The following C19orf44 variants were observed in gnomAD, a reference collection of about 807,000 sequenced individuals.
C19orf44 encodes chromosome 19 open reading frame 44.
C19orf44 carries 43 observed loss-of-function variants against 50.7 expected under a neutral mutation model. The observed-to-expected ratio is 0.85, with a 90% CI of 0.66 to 1.09. C19orf44 has a LOEUF of 1.09. Ranked by LOEUF, C19orf44 falls within the 50% of genes least tolerant of loss-of-function variation. C19orf44 has a pLI of 0.00. For synonymous variants in C19orf44, 298 were observed against 334.7 expected (o/e 0.89, Z 1.20); for missense variants, 722 against 836.2 (o/e 0.86, Z 1.68).
At chr19:16,497,770 A>G (rs2093414222) in intron 1 of C19orf44, among the ~76,000 whole-genome samples, 1 of 152,216 alleles carries the variant, frequency 6.6e-6, no homozygotes, top group Non-Finnish European at 1.5e-5. Context: ...TAATCCATTC[A>G]CTAATTAATG....
In C19orf44 at chr19:16,505,404, G is replaced by A. The variant is rs1599731807; in HGVS notation, c.1076-1297G>A. Among the ~76,000 whole-genome samples the A allele has an allele frequency of 6.6e-5, 10 of 151,114 alleles. No homozygotes were observed. The South Asian group carries it at 1.9e-3, about 28-fold the overall frequency. Reference sequence around the variant, plus strand: ...AATTTTTCTATTTTTAGTAGAGACGGGATTTCAACATGTTGGCCAGGCTGG... The same window carrying A: ...AATTTTTCTATTTTTAGTAGAGACGAGATTTCAACATGTTGGCCAGGCTGG... On this transcript the variant is annotated intron_variant, in intron 3 of 8. Coordinates refer to ENST00000221671, the MANE Select transcript of C19orf44 (RefSeq NM_032207.4).
At chr19:16,507,292 G>A (rs578232972) in intron 4 of C19orf44, among the ~76,000 whole-genome samples, 23 of 152,138 alleles carry the variant, frequency 1.5e-4, no homozygotes, top group African/African-American at 5.3e-4. Context: ...CACATCCCAC[G>A]TAAAGCCGCC....
Position 16,521,089 on chromosome 19 carries a change from C to T in C19orf44, c.*1036C>T, listed in dbSNP as rs1356216166. On this transcript the variant is annotated 3_prime_UTR_variant, in exon 9 of 9. Coordinates refer to ENST00000221671, the MANE Select transcript of C19orf44 (RefSeq NM_032207.4). ...GTGTTCCCACAGGGCTGTCCTCCTG[C>T]AGCCCAGTGGCTCCTCTGGTGCCCA... 7 of 637,332 alleles carry T rather than the reference C, an allele frequency of 1.1e-5. No homozygotes were observed. The highest frequency in any genetic ancestry group is 4.7e-5 in the Admixed American group (2 of 42,288). The allele number at this position is 637,332 out of a possible 1,614,324, so 39.5% of individuals were successfully genotyped here. A position where few individuals can be genotyped will look rare whatever the true frequency, so the allele number is the denominator to read the frequency against.
Position 16,519,085 on chromosome 19 carries a change from T to C in C19orf44, c.*41-1009T>C. 1 of 1,365,410 alleles carries C rather than the reference T, an allele frequency of 7.3e-7. No individual in the cohort carries two copies. The allele number at this position is 1,365,410 out of a possible 1,614,324, so 84.6% of individuals were successfully genotyped here. A position where few individuals can be genotyped will look rare whatever the true frequency, so the allele number is the denominator to read the frequency against. ...TAAGAACTGAGCTGTCACTGCAATCTTCCTCTGCCAGTCAGCCAGGAAGGT... is the reference window on the plus strand; with the variant it reads ...TAAGAACTGAGCTGTCACTGCAATCCTCCTCTGCCAGTCAGCCAGGAAGGT... On this transcript the variant is annotated intron_variant, in intron 8 of 8. Transcript: ENST00000221671. The surrounding 1 kb of genome is among the most constrained non-coding windows in gnomAD (Gnocchi z 6.0).
rs767656299 is a variant in C19orf44, at chr19:16,519,157, G to A, written c.*41-937G>A. ...CACCGGCGCGGCTCCCGGCATGGGC[G>A]CCTACTTACACTCGTCCCTGGCCTT... On this transcript the variant is annotated intron_variant, in intron 8 of 8. Transcript: ENST00000221671. The surrounding 1 kb of genome is among the most constrained non-coding windows in gnomAD (Gnocchi z 6.0). 13 of 1,611,524 alleles carry A rather than the reference G, an allele frequency of 8.1e-6. No individual in the cohort carries two copies. The highest frequency in any genetic ancestry group is 7.7e-5 in the South Asian group (7 of 90,732).
chr19:16,507,949 G>A (rs1222706018), intron 4 of C19orf44, among the ~76,000 whole-genome samples: 4 of 150,780 alleles, frequency 2.7e-5, no homozygotes, highest in South Asian at 2.1e-4. Flanking sequence ...GACTATAGGC[G>A]CCCACCACCA....
rs12461313 is a variant in C19orf44, at chr19:16,503,394, C to T, written c.1075+14C>T. On this transcript the variant is annotated intron_variant, in intron 3 of 8. Transcript: ENST00000221671. ...ACAGCCTCGACGGTAATCCCAGTCC[C>T]GGTGCAAAGCCAGTACCTTGGGCAG... 196 of 1,598,302 alleles carry T rather than the reference C, an allele frequency of 1.2e-4. No homozygotes were observed. The Admixed American group carries it at 1.8e-3, about 14-fold the overall frequency.
Position 16,513,038 on chromosome 19 carries a change from C to T in C19orf44, c.1664C>T (p.Pro555Leu), listed in dbSNP as rs532217604. ...GTGGCCAGCATGGCAGCCATGGGGC[C>T]TGCCCTGGGAGGCGCCTACGTGGAC... ...TKVASMAAMG[P>L]ALGGAYVDPT... The change falls in exon 6 of 9, where the codon CCT (proline) becomes CTT (leucine). Residue 555 changes from proline (P) to leucine (L), a missense_variant. Transcript: ENST00000221671. 2 of 1,613,546 alleles carry T rather than the reference C, an allele frequency of 1.2e-6. No individual in the cohort carries two copies. Among genetic ancestry groups the T allele is most frequent in the Admixed American group, 1.7e-5 (1 of 60,010 alleles).
At chr19:16,500,659 C>A in intron 1 of C19orf44, 133 bp from the exon 2 acceptor site, 1 of 903,940 alleles carries the variant, frequency 1.1e-6, no homozygotes, top group Non-Finnish European at 1.7e-6. Flanking sequence ...TTTTCATTGT[C>A]ATCCTTGGGC....
At chr19:16,506,668 A>G (rs753166000) in intron 3 of C19orf44, 33 bp from the exon 4 acceptor site, 3 of 1,396,024 alleles carry the variant, frequency 2.1e-6, no homozygotes, top group Non-Finnish European at 2.9e-6. Flanking sequence ...AAGAGAGTAA[A>G]TGTAAACGCT....
At chr19:16,508,101 G>A (rs578254788) in intron 4 of C19orf44, among the ~76,000 whole-genome samples, 100 of 150,496 alleles carry the variant, frequency 6.6e-4, no homozygotes, top group African/African-American at 2.3e-3. Flanking sequence ...CACCACGCCC[G>A]GCCTTAATTA....
chr19:16,500,315 T>A (rs1210099582), intron 1 of C19orf44, among the ~76,000 whole-genome samples: 1 of 152,142 alleles, frequency 6.6e-6, no homozygotes, highest in Non-Finnish European at 1.5e-5. Flanking sequence ...CACGTCACCT[T>A]ATTGCTCTTT....
chr19:16,517,139 A>G lies in C19orf44; in HGVS notation c.1903-91A>G, dbSNP rs1318326180. The G allele has an allele frequency of 4.3e-6, 5 of 1,173,310 alleles. No homozygotes were observed. The East Asian group carries it at 9.8e-5, about 23-fold the overall frequency. 72.7% of individuals were successfully genotyped at this position (1,173,310 alleles called of 1,614,324 possible). On this transcript the variant is annotated intron_variant, in intron 7 of 8. Coordinates refer to ENST00000221671, the MANE Select transcript of C19orf44 (RefSeq NM_032207.4). ...TCACTGACAGGAGCCTGCTGGGGAC[A>G]GGTGCTGGCTCCACTCCCTCCTCCA...
chr19:16,517,083 G>C (rs1555779637), intron 7 of C19orf44, 147 bp from the exon 8 acceptor site: 3 of 719,042 alleles, frequency 4.2e-6, no homozygotes, highest in Non-Finnish European at 7.0e-6. Context: ...GCGCCAACCT[G>C]TCACACACAT....
In C19orf44 at chr19:16,519,234, G is replaced by A. The variant is rs2085582715; in HGVS notation, c.*41-860G>A. ...TGTTCCTGCGGTAGTTCTCATAGGGGTCATCCAGAGCCACGCCCACGCCTT... is the reference window on the plus strand; with the variant it reads ...TGTTCCTGCGGTAGTTCTCATAGGGATCATCCAGAGCCACGCCCACGCCTT... On this transcript the variant is annotated intron_variant, in intron 8 of 8. Coordinates refer to ENST00000221671, the MANE Select transcript of C19orf44 (RefSeq NM_032207.4). This position sits in a 1 kb window ranked among gnomAD's most constrained non-coding sequence, Gnocchi z 6.0. The A allele has an allele frequency of 6.2e-7, 1 of 1,614,060 alleles. No homozygotes were observed. Among genetic ancestry groups the A allele is most frequent in the Middle Eastern group, 1.6e-4 (1 of 6,062 alleles).
intron 2 of C19orf44, among the ~76,000 whole-genome samples, chr19:16,502,502 C>T (rs1203024959): frequency 3.3e-5 from 5 of 151,794 alleles, no homozygotes; most frequent in Non-Finnish European, 7.4e-5. Flanking sequence ...TCCCAAAGTG[C>T]CGGGATTTAC....
At chr19:16,513,496 G>A (rs1411820875) in intron 6 of C19orf44, among the ~76,000 whole-genome samples, 2 of 152,082 alleles carry the variant, frequency 1.3e-5, no homozygotes, top group African/African-American at 4.8e-5. Context: ...CGATTCTCCT[G>A]CCTCAGCCTC....
rs1281015150 is a variant in C19orf44 at position 16,501,403 on chromosome 19, C to T, written c.611C>T (p.Pro204Leu). ...TTGCAAACCCCCAAACAGAAAGAACCTGCTAGAACATTTGATTCTCCAGAC... is the reference window on the plus strand; with the variant it reads ...TTGCAAACCCCCAAACAGAAAGAACTTGCTAGAACATTTGATTCTCCAGAC... ...RTLQTPKQKE[P>L]ARTFDSPDSD... The change falls in exon 2 of 9, where the codon CCT (proline) becomes CTT (leucine). Residue 204 changes from proline to leucine, a missense_variant. By Grantham distance (98) the Pro-to-Leu change is moderately conservative. Transcript: ENST00000221671. The T allele has an allele frequency of 6.2e-6, 10 of 1,613,794 alleles. No individual in the cohort carries two copies. The highest frequency in any genetic ancestry group is 7.6e-6 in the Non-Finnish European group (9 of 1,179,976).
chr19:16,500,308 G>T (rs1331267816), intron 1 of C19orf44, among the ~76,000 whole-genome samples: 1 of 151,634 alleles, frequency 6.6e-6, no homozygotes, highest in Non-Finnish European at 1.5e-5. Flanking sequence ...ATTTTCACAC[G>T]TCACCTTATT....
Sources: gnomAD v4.1 joint callset for allele counts (sites outside exome capture counted in the v4.1 genomes callset) on GRCh38, gnomAD v4.1.1 for gene constraint, Gnocchi (gnomAD v3.1) non-coding constraint, MANE v1.5 for transcripts, NCBI Gene and HGNC (gene_info 2026-07-23, HGNC 2026-07-21) for gene names.